The following NCOR1 variants were observed in gnomAD, a reference collection of about 807,000 sequenced individuals.
NCOR1 encodes the protein nuclear receptor corepressor 1.
NCOR1 carries 63 observed loss-of-function variants against 288.1 expected under a neutral mutation model. The observed-to-expected ratio is 0.22, with a 90% CI of 0.18 to 0.27. NCOR1 has a LOEUF of 0.27. Ranked by LOEUF, NCOR1 falls within the 10% of genes least tolerant of loss-of-function variation. The pLI is 1.00. For synonymous variants in NCOR1, 1,007 were observed against 1,065.9 expected (o/e 0.94, Z 1.08); for missense variants, 2,397 against 3,019.2 (o/e 0.79, Z 4.83).
At chr17:16,150,582 G>C (rs1043952517) in intron 8 of NCOR1, among the ~76,000 whole-genome samples, 1 of 151,990 alleles carries the variant, frequency 6.6e-6, no homozygotes, top group African/African-American at 2.4e-5. Context: ...GTCCATCTAG[G>C]ATAGTGTGCT....
Position 16,029,464 on chromosome 17 carries a change from C to A in NCOR1, c.*2832G>T. 3.6e-6 allele frequency: 1 copy of A among 274,858 alleles called. No individual in the cohort carries two copies. Among genetic ancestry groups the A allele is most frequent in the Non-Finnish European group, 7.2e-6 (1 of 139,156 alleles). The allele number at this position is 274,858 out of a possible 1,614,324, so 17.0% of individuals were successfully genotyped here. A position where few individuals can be genotyped will look rare whatever the true frequency, so the allele number is the denominator to read the frequency against. On this transcript the variant is annotated 3_prime_UTR_variant, in exon 46 of 46. Transcript: ENST00000268712. ...TTTAAAATAGAATCACTCAGTGTAC[C>A]AAAATTAAAAGCATTATGAAATTTG...
intron 18 of NCOR1, among the ~76,000 whole-genome samples, chr17:16,116,768 T>C (rs915123955): frequency 1.3e-5 from 2 of 152,222 alleles, no homozygotes; most frequent in Admixed American, 6.5e-5. Flanking sequence ...TAAAAAGACA[T>C]ACTCAATGGG....
At chr17:16,203,549 T>C (rs2091126832) in intron 1 of NCOR1, among the ~76,000 whole-genome samples, 2 of 152,216 alleles carry the variant, frequency 1.3e-5, no homozygotes, top group Non-Finnish European at 2.9e-5. Context: ...TCCCACAAGT[T>C]ACTCTCAATC....
At chr17:16,145,628 GC>G (rs982262260) in intron 10 of NCOR1, among the ~76,000 whole-genome samples, 45 of 151,834 alleles carry the variant, frequency 3.0e-4, no homozygotes, top group African/African-American at 1.0e-3. Context: ...CCCGGCAGCC[GC>G]CCCGTCTGGG....
chr17:16,058,957 G>C (rs1037978563), intron 37 of NCOR1, among the ~76,000 whole-genome samples: 5 of 148,790 alleles, frequency 3.4e-5, no homozygotes, highest in Admixed American at 2.0e-4. Context: ...GCTGAGGCCG[G>C]AGAATCGCTT....
chr17:16,063,081 A>G (rs1403652332), intron 35 of NCOR1, among the ~76,000 whole-genome samples: 1 of 151,912 alleles, frequency 6.6e-6, no homozygotes, highest in Non-Finnish European at 1.5e-5. Context: ...TTTAGCACAC[A>G]CCCCTCTTCT....
At chr17:16,204,607 G>A (rs200421361) in intron 1 of NCOR1, among the ~76,000 whole-genome samples, 3 of 152,172 alleles carry the variant, frequency 2.0e-5, no homozygotes, top group Admixed American at 1.3e-4. Context: ...AATGTTCCTC[G>A]CTTTGTTTTT....
rs1209567752 is a variant in NCOR1, at chr17:16,091,963, G to T, written c.2916C>A (p.Leu972=). The part of the protein sequence containing the change: ...RHIKAMHESA[L]LEEQRQRQEQ... ...CTTGTCTCTGCCGCTGCTCCTCCAGGAGTGCTGACTCATGCATTGCTTTAA... is the reference window on the plus strand; with the variant it reads ...CTTGTCTCTGCCGCTGCTCCTCCAGTAGTGCTGACTCATGCATTGCTTTAA... The change falls in exon 22 of 46, where the codon CTC becomes CTA. Residue 972 remains leucine, a synonymous_variant. Coordinates refer to ENST00000268712, the MANE Select transcript of NCOR1 (RefSeq NM_006311.4). The T allele has an allele frequency of 6.2e-7, 1 of 1,614,208 alleles. No individual in the cohort carries two copies. The highest frequency in any genetic ancestry group is 8.5e-7 in the Non-Finnish European group (1 of 1,180,044).
rs999907558 is a variant in NCOR1, at chr17:16,120,970, A to G, written c.1852+82T>C. ...ATTATTTCTAGGTTGTCAATATTAA[A>G]AGTCCTTTCTACCCTATCCTAGCAG... On this transcript the variant is annotated intron_variant, in intron 16 of 45. Transcript: ENST00000268712. The G allele has an allele frequency of 1.6e-6, 2 of 1,260,720 alleles. 1 individual carries two copies. The highest frequency in any genetic ancestry group is 4.8e-5 in the Admixed American group (2 of 41,552). 78.1% of individuals were successfully genotyped at this position (1,260,720 alleles called of 1,614,324 possible).
At chr17:16,120,285 C>T (rs1267106675) in intron 16 of NCOR1, among the ~76,000 whole-genome samples, 1 of 152,124 alleles carries the variant, frequency 6.6e-6, no homozygotes, top group East Asian at 1.9e-4. Context: ...AGTTAACTTC[C>T]AAAGACACAA....
chr17:16,033,861 A>G (rs1409529146), intron 45 of NCOR1, among the ~76,000 whole-genome samples: 2 of 152,008 alleles, frequency 1.3e-5, no homozygotes, highest in Admixed American at 6.6e-5. Context: ...GCTGGAGTGC[A>G]GTGGCGCAAT....
rs1462482456 is a variant in NCOR1 at position 16,047,098 on chromosome 17, T to C, written c.6537-5A>G. On this transcript the variant is annotated splice_region_variant and splice_polypyrimidine_tract_variant and intron_variant, in intron 41 of 45. Coordinates refer to ENST00000268712, the MANE Select transcript of NCOR1 (RefSeq NM_006311.4). ...CCTGGTGAGCGGGCATCATTCCTGT[T>C]AGGGCCAAAGTTAAGTATATTACAA... The C allele has an allele frequency of 8.7e-6, 14 of 1,610,076 alleles. No individual in the cohort carries two copies. Among genetic ancestry groups the C allele is most frequent in the Non-Finnish European group, 1.1e-5 (13 of 1,178,202 alleles).
intron 25 of NCOR1, 71 bp downstream of exon 25, chr17:16,080,337 T>C: frequency 3.3e-6 from 4 of 1,229,534 alleles, no homozygotes; most frequent in African/African-American, 1.5e-5. Context: ...CATTAAAATA[T>C]ATTAATAACT....
Position 16,058,044 on chromosome 17 carries a change from C to G in NCOR1, c.6031G>C (p.Glu2011Gln). 2 of 1,614,080 alleles carry G rather than the reference C, an allele frequency of 1.2e-6. No homozygotes were observed. The highest frequency in any genetic ancestry group is 1.7e-6 in the Non-Finnish European group (2 of 1,180,012). Residue 2011 changes from glutamate to glutamine, a missense_variant, in exon 39 of 46, where the codon GAA becomes CAA. Physicochemically the swap from Glu to Gln is conservative, Grantham distance 29 (BLOSUM62 2). Around this residue, in one of 11 missense-constraint regions of NCOR1, gnomAD observed 1,872 missense variants for 2,187.8 expected, o/e 0.86. Transcript: ENST00000268712. ...GGTCGATAGTGATGTAATGGTCCTT[C>G]ATATTGTCTGGTAGGATCATCTAGG... ...QAENDPTRQY[E>Q]GPLHHYRPQQ...
chr17:16,106,822 G>A (rs563632059), intron 19 of NCOR1, among the ~76,000 whole-genome samples: 3 of 130,950 alleles, frequency 2.3e-5, no homozygotes, highest in African/African-American at 8.7e-5. Context: ...TGATTGAGCA[G>A]ATGTGATGGT....
chr17:16,058,980 C>T (rs1450769048), intron 37 of NCOR1, among the ~76,000 whole-genome samples: 1 of 125,218 alleles, frequency 8.0e-6, no homozygotes, highest in Non-Finnish European at 1.6e-5. Flanking sequence ...ACCCGGGAGG[C>T]GGAGGTTGTG....
chr17:16,178,381 C>T (rs1246589824), intron 3 of NCOR1, among the ~76,000 whole-genome samples: 1 of 151,146 alleles, frequency 6.6e-6, no homozygotes, highest in East Asian at 1.9e-4. Context: ...AGCCTGTAGT[C>T]CCAGCTACTC....
At chr17:16,095,589 C>T (rs1434018221) in intron 21 of NCOR1, among the ~76,000 whole-genome samples, 1 of 76,424 alleles carries the variant, frequency 1.3e-5, no homozygotes, top group Non-Finnish European at 2.7e-5. Flanking sequence ...AGGTGAGGGT[C>T]GCCTCTGCCC....
chr17:16,130,462 C>T (rs1000040711), intron 14 of NCOR1, among the ~76,000 whole-genome samples: 26 of 152,154 alleles, frequency 1.7e-4, no homozygotes, highest in Non-Finnish European at 8.8e-5. Context: ...CACAAATATT[C>T]GCAATGGCTC....
Sources: gnomAD v4.1 joint callset for allele counts (sites outside exome capture counted in the v4.1 genomes callset) on GRCh38, gnomAD v4.1.1 for gene constraint, gnomAD v4.1.1 regional missense constraint, MANE v1.5 for transcripts, NCBI Gene and HGNC (gene_info 2026-07-23, HGNC 2026-07-21) for gene names.